Variants in POC1A observed in about 807,000 individuals in gnomAD.
POC1A encodes POC1 centriolar protein A.
A neutral mutation model predicts 47.8 loss-of-function variants in POC1A; 34 were observed. The ratio of observed to expected loss-of-function variants is 0.71; its 90% CI spans 0.54 to 0.95. The LOEUF is 0.95. Among genes scored for constraint, POC1A ranks in the 40% least tolerant of loss-of-function variants. The probability of loss-of-function intolerance (pLI) is 0.00; values close to 1 mark genes in which losing one functional copy is unlikely to be tolerated. For missense variants in POC1A, 466 were observed against 528.3 expected (o/e 0.88, Z 1.16); for synonymous variants, 177 against 207.6 (o/e 0.85, Z 1.27).
At chr3:52,105,700 A>G (rs969202751) in intron 9 of POC1A, among the ~76,000 whole-genome samples, 6 of 152,204 alleles carry the variant, frequency 3.9e-5, no homozygotes, top group African/African-American at 1.4e-4. Flanking sequence ...GATTCCAAAC[A>G]TAGTCCTGAA....
At chr3:52,153,097 A>G (rs1698607618) in intron 1 of POC1A, among the ~76,000 whole-genome samples, 5 of 152,242 alleles carry the variant, frequency 3.3e-5, no homozygotes, top group Admixed American at 3.3e-4. Flanking sequence ...ATTAGTGATT[A>G]CAGTTGCACA....
intron 7 of POC1A, among the ~76,000 whole-genome samples, chr3:52,133,326 T>A (rs1704306348): frequency 6.6e-6 from 1 of 152,202 alleles, no homozygotes; most frequent in African/African-American, 2.4e-5. Flanking sequence ...ACTTCCAGCA[T>A]CTGGAACTGA....
chr3:52,089,320 A>T (rs1451858274), intron 10 of POC1A, among the ~76,000 whole-genome samples: 1 of 151,898 alleles, frequency 6.6e-6, no homozygotes, highest in African/African-American at 2.4e-5. Flanking sequence ...GCAGACAGAC[A>T]TTTCCCCCAG....
At chr3:52,076,007 G>A in intron 10 of POC1A, 22 bp from the exon 11 acceptor site, 1 of 1,592,810 alleles carries the variant, frequency 6.3e-7, no homozygotes, top group Non-Finnish European at 8.6e-7. Flanking sequence ...ACAGTGGTTG[G>A]GTCAGAACAC....
intron 7 of POC1A, among the ~76,000 whole-genome samples, chr3:52,130,171 T>C (rs909749941): frequency 6.6e-6 from 1 of 152,212 alleles, no homozygotes; most frequent in Admixed American, 6.5e-5. Context: ...TTGACTCTCA[T>C]ATGCACAGTC....
intron 5 of POC1A, 118 bp downstream of exon 5, chr3:52,146,870 G>T: frequency 1.2e-6 from 1 of 804,314 alleles, no homozygotes; most frequent in Non-Finnish European, 2.2e-6. Context: ...AGGGGCAGCA[G>T]TGATAAGGCT....
intron 10 of POC1A, among the ~76,000 whole-genome samples, chr3:52,091,641 A>C (rs1031097513): frequency 7.2e-5 from 11 of 152,114 alleles, no homozygotes; most frequent in Non-Finnish European, 7.3e-5. Context: ...CAGACACTAG[A>C]GTCTCACTGG....
intron 7 of POC1A, among the ~76,000 whole-genome samples, chr3:52,131,809 A>G (rs1704223195): frequency 6.6e-6 from 1 of 152,186 alleles, no homozygotes. Context: ...AGTAAAAGGC[A>G]GATGAACCCC....
rs763709592 is a variant in POC1A, at chr3:52,096,645, TG to T, written c.1048del (p.Gln350ArgfsTer4). The stretch of plus-strand genomic sequence containing the variant: ...TGTCTGGGGCACACTCACGGGCTCC[TG>T]GGGCTGGCTCTGCACAGACTCCACA... Reference protein sequence around the residue: ...RSVESVQSQPQEPVSVPQTLT... With the variant: ...RSVESVQSQPXEPVSVPQTLT... On this transcript the variant is annotated frameshift_variant, in exon 10 of 11. Transcript: ENST00000296484. LOFTEE classifies it high-confidence loss of function. 2.5e-6 allele frequency: 4 copies of T among 1,613,148 alleles called. No individual in the cohort carries two copies. Among genetic ancestry groups the T allele is most frequent in the Non-Finnish European group, 3.4e-6 (4 of 1,179,622 alleles).
chr3:52,097,181 G>C (rs1702846448), intron 9 of POC1A, among the ~76,000 whole-genome samples: 1 of 152,246 alleles, frequency 6.6e-6, no homozygotes, highest in East Asian at 1.9e-4. Context: ...GGTGTGCCAG[G>C]CTTCACAAAT....
intron 9 of POC1A, among the ~76,000 whole-genome samples, chr3:52,104,828 T>C (rs774476673): frequency 6.6e-6 from 1 of 152,216 alleles, no homozygotes; most frequent in African/African-American, 2.4e-5. Context: ...ATGCAGTCCA[T>C]GGAGTGTCAG....
rs576797139 is a variant in POC1A at position 52,085,986 on chromosome 3, G to A, written c.1126-10001C>T. On this transcript the variant is annotated intron_variant, in intron 10 of 10. Transcript: ENST00000296484. Reference sequence around the variant, plus strand: ...GAGGCCCCAAATAGGGCAGCCTGTGGTCAGGTTTGGGAGGGTGTGAGCCAT... The same window carrying A: ...GAGGCCCCAAATAGGGCAGCCTGTGATCAGGTTTGGGAGGGTGTGAGCCAT... Among the ~76,000 whole-genome samples the A allele has an allele frequency of 2.6e-5, 4 of 152,316 alleles. No individual in the cohort carries two copies. In the South Asian group the frequency reaches 8.3e-4, roughly 32 times the overall value.
At chr3:52,089,060 A>C (rs1028101709) in intron 10 of POC1A, among the ~76,000 whole-genome samples, 3 of 151,788 alleles carry the variant, frequency 2.0e-5, no homozygotes, top group Non-Finnish European at 2.9e-5. Context: ...ACGGGATAAA[A>C]GATAGAAAAC....
At chr3:52,089,798 A>T (rs1222803057) in intron 10 of POC1A, among the ~76,000 whole-genome samples, 1 of 152,146 alleles carries the variant, frequency 6.6e-6, no homozygotes, top group African/African-American at 2.4e-5. Context: ...TATTTCCATA[A>T]GCAACAGCAG....
At chr3:52,138,129 A>C in intron 7 of POC1A, 40 bp downstream of exon 7, 1 of 1,610,126 alleles carries the variant, frequency 6.2e-7, no homozygotes, top group Non-Finnish European at 8.5e-7. Context: ...TGAAGGTACC[A>C]CCACTCCACA....
chr3:52,101,242 G>A (rs375203159), intron 9 of POC1A, among the ~76,000 whole-genome samples: 1 of 152,036 alleles, frequency 6.6e-6, no homozygotes, highest in African/African-American at 2.4e-5. Context: ...AAATGACTGA[G>A]AAAATCCTCC....
intron 7 of POC1A, among the ~76,000 whole-genome samples, chr3:52,133,622 C>G (rs971423249): frequency 3.9e-5 from 6 of 152,292 alleles, no homozygotes; most frequent in African/African-American, 1.4e-4. Flanking sequence ...GCAAGTCCCT[C>G]TGTCCTGGCG....
intron 9 of POC1A, among the ~76,000 whole-genome samples, chr3:52,101,685 A>G (rs2106997119): frequency 6.6e-6 from 1 of 152,336 alleles, no homozygotes; most frequent in Non-Finnish European, 1.5e-5. Context: ...CAATTCCTCA[A>G]ACTGAAACAC....
chr3:52,090,372 C>T lies in POC1A; in HGVS notation c.1125+6197G>A, dbSNP rs138789058. Among the ~76,000 whole-genome samples the T allele has an allele frequency of 0.014, 2,172 of 152,356 alleles. 63 individuals carry two copies. The highest frequency in any genetic ancestry group is 0.014 in the Non-Finnish European group (961 of 68,036). On this transcript the variant is annotated intron_variant, in intron 10 of 10. Coordinates refer to ENST00000296484, the MANE Select transcript of POC1A (RefSeq NM_015426.5). This position sits in a 1 kb window ranked among gnomAD's most constrained non-coding sequence, Gnocchi z 4.2. ...TTGCTGTGGGCTTCTGAGGCAAAACCACCAAGCCGCGTGTTGGGCCTATGC... is the reference window on the plus strand; with the variant it reads ...TTGCTGTGGGCTTCTGAGGCAAAACTACCAAGCCGCGTGTTGGGCCTATGC...
Sources: gnomAD v4.1 joint callset for allele counts (sites outside exome capture counted in the v4.1 genomes callset) on GRCh38, gnomAD v4.1.1 for gene constraint, Gnocchi (gnomAD v3.1) non-coding constraint, MANE v1.5 for transcripts, NCBI Gene and HGNC (gene_info 2026-07-23, HGNC 2026-07-21) for gene names.